The following KCNIP1 variants were observed in gnomAD, a reference collection of about 807,000 sequenced individuals.
The protein encoded by KCNIP1 is A-type potassium channel modulatory protein KCNIP1.
Under a neutral mutation model 33.0 loss-of-function variants are expected in KCNIP1, and 18 were observed. The ratio of observed to expected loss-of-function variants is 0.55; its 90% CI spans 0.38 to 0.81. The LOEUF is 0.81. Ranked by LOEUF, KCNIP1 falls within the 30% of genes least tolerant of loss-of-function variation. KCNIP1 has a pLI of 0.00. For synonymous variants in KCNIP1, 93 were observed against 98.3 expected, an observed-to-expected ratio of 0.95 and a Z score of 0.32; for missense variants, 238 against 271.6, an observed-to-expected ratio of 0.88 and a Z score of 0.87.
intron 1 of KCNIP1, among the ~76,000 whole-genome samples, chr5:170,409,753 G>A (rs1755132645): frequency 6.6e-6 from 1 of 152,156 alleles, no homozygotes; most frequent in African/African-American, 2.4e-5. Context: ...GCGAGGCCTG[G>A]CCCTGTGTGC....
At chr5:170,365,801 T>A (rs781033231) in intron 1 of KCNIP1, among the ~76,000 whole-genome samples, 1 of 152,282 alleles carries the variant, frequency 6.6e-6, no homozygotes, top group Non-Finnish European at 1.5e-5. Flanking sequence ...AGCCTCCTTT[T>A]CTGTAAAATG....
intron 1 of KCNIP1, among the ~76,000 whole-genome samples, chr5:170,472,594 C>T (rs1311860666): frequency 3.6e-5 from 5 of 138,628 alleles, no homozygotes; most frequent in Non-Finnish European, 7.9e-5. Context: ...CACCCTCCCC[C>T]CCAAGTCCCC....
chr5:170,515,298 C>T (rs1347311253), intron 1 of KCNIP1, among the ~76,000 whole-genome samples: 1 of 152,182 alleles, frequency 6.6e-6, no homozygotes, highest in Non-Finnish European at 1.5e-5. Context: ...CTGTCATTCC[C>T]GATTGCCTAT....
intron 1 of KCNIP1, chr5:170,422,471 C>T (rs1344936881): frequency 2.0e-5 from 3 of 152,170 alleles, no homozygotes; most frequent in African/African-American, 7.2e-5. Context: ...GTGAGGGGGC[C>T]AGCATGAGCC....
chr5:170,387,442 C>T (rs1764522780), intron 1 of KCNIP1, among the ~76,000 whole-genome samples: 1 of 152,188 alleles, frequency 6.6e-6, no homozygotes, highest in African/African-American at 2.4e-5. Context: ...ACCCGGGCAT[C>T]TCCGCTAAAG....
At chr5:170,555,899 A>G (rs746294929) in intron 1 of KCNIP1, among the ~76,000 whole-genome samples, 1 of 152,184 alleles carries the variant, frequency 6.6e-6, no homozygotes, top group Non-Finnish European at 1.5e-5. Context: ...ATGAGAGGAA[A>G]TTGCCAAGGA....
At chr5:170,686,074 C>T (rs1762527473) in intron 1 of KCNIP1, among the ~76,000 whole-genome samples, 1 of 152,106 alleles carries the variant, frequency 6.6e-6, no homozygotes, top group African/African-American at 2.4e-5. Context: ...ACTTTTGTCC[C>T]CAGGACAAAG....
chr5:170,454,956 G>A (rs1416230655), intron 1 of KCNIP1, among the ~76,000 whole-genome samples: 1 of 152,122 alleles, frequency 6.6e-6, no homozygotes, highest in African/African-American at 2.4e-5. Flanking sequence ...AAACAAAAAT[G>A]TTAATACAGA....
intron 5 of KCNIP1, among the ~76,000 whole-genome samples, chr5:170,732,574 T>A (rs1428986698): frequency 1.3e-5 from 2 of 152,138 alleles, no homozygotes; most frequent in Non-Finnish European, 2.9e-5. Flanking sequence ...AACCTACCCA[T>A]GAGCTTCTGA....
chr5:170,486,623 T>C (rs1255870751), intron 1 of KCNIP1, among the ~76,000 whole-genome samples: 1 of 152,248 alleles, frequency 6.6e-6, no homozygotes, highest in Non-Finnish European at 1.5e-5. Context: ...TGGATTTGGT[T>C]CTTAAGCATT....
intron 1 of KCNIP1, among the ~76,000 whole-genome samples, chr5:170,438,222 C>T (rs1416725740): frequency 6.6e-6 from 1 of 152,200 alleles, no homozygotes; most frequent in African/African-American, 2.4e-5. Flanking sequence ...CACCCCTTCT[C>T]CCTCAGCCTG....
At chr5:170,590,178 AGAG>A in intron 1 of KCNIP1, among the ~76,000 whole-genome samples, 2 of 152,296 alleles carry the variant, frequency 1.3e-5, no homozygotes, top group South Asian at 4.1e-4. Context: ...AAGGTAAAGA[AGAG>A]GTAGTTGGGA....
intron 1 of KCNIP1, among the ~76,000 whole-genome samples, chr5:170,556,199 A>G (rs934631851): frequency 2.6e-5 from 4 of 152,226 alleles, no homozygotes; most frequent in Admixed American, 2.6e-4. Context: ...ATTAAACCAC[A>G]TCCCCCATGT....
In KCNIP1 at chr5:170,727,890, A is replaced by T. The variant is rs530167513; in HGVS notation, c.436-4910A>T. On this transcript the variant is annotated intron_variant, in intron 5 of 7. Coordinates refer to ENST00000328939, the MANE Select transcript of KCNIP1 (RefSeq NM_014592.4). ...CAGGAGTTCAAGCCTGCCCTGAGCC[A>T]TAATCACTGCACCACACTCCAGCCT... Among the ~76,000 whole-genome samples, 4 of 152,294 alleles carry T rather than the reference A, an allele frequency of 2.6e-5. No homozygotes were observed. The South Asian group carries it at 8.3e-4, about 32-fold the overall frequency.
chr5:170,559,451 A>G (rs1235572699), intron 1 of KCNIP1, among the ~76,000 whole-genome samples: 1 of 152,052 alleles, frequency 6.6e-6, no homozygotes, highest in South Asian at 2.1e-4. Context: ...TTTTCTATCT[A>G]CTACTTGGGA....
At chr5:170,555,857 G>A (rs771347330) in intron 1 of KCNIP1, among the ~76,000 whole-genome samples, 3 of 152,188 alleles carry the variant, frequency 2.0e-5, no homozygotes, top group Admixed American at 6.5e-5. Flanking sequence ...AATTTGGGGC[G>A]TGAAAACCTA....
chr5:170,513,296 T>G (rs995308762), intron 1 of KCNIP1, among the ~76,000 whole-genome samples: 2 of 152,226 alleles, frequency 1.3e-5, no homozygotes, highest in Non-Finnish European at 2.9e-5. Flanking sequence ...GGTGAGTGGT[T>G]TGCCCACAAT....
intron 1 of KCNIP1, among the ~76,000 whole-genome samples, chr5:170,428,435 T>A (rs1047286342): frequency 6.6e-6 from 1 of 152,084 alleles, no homozygotes; most frequent in Non-Finnish European, 1.5e-5. Flanking sequence ...TTTTTTTTTT[T>A]TTATTAAAAC....
chr5:170,682,804 T>TC (rs1267196100), intron 1 of KCNIP1, among the ~76,000 whole-genome samples: 1 of 143,054 alleles, frequency 7.0e-6, no homozygotes, highest in African/African-American at 2.6e-5. Context: ...TTTTTTTTTT[T>TC]TTTTTGATGA....
Sources: gnomAD v4.1 joint callset for allele counts (sites outside exome capture counted in the v4.1 genomes callset) on GRCh38, gnomAD v4.1.1 for gene constraint, MANE v1.5 for transcripts, NCBI Gene and HGNC (gene_info 2026-07-23, HGNC 2026-07-21) for gene names.